The following UIMC1 variants were observed in gnomAD, a reference collection of about 807,000 sequenced individuals.
UIMC1 encodes the protein ubiquitin interaction motif containing 1, also known as BRCA1-A complex subunit RAP80.
UIMC1 carries 42 observed loss-of-function variants against 84.9 expected under a neutral mutation model. That is an observed-to-expected ratio of 0.49 (90% CI 0.39 to 0.64). UIMC1 has a LOEUF of 0.64. UIMC1 is among the 30% of genes least tolerant of loss of function. The pLI is 0.00. For missense variants in UIMC1, 825 were observed against 847.6 expected, an observed-to-expected ratio of 0.97 and a Z score of 0.33; for synonymous variants, 281 against 293.0, an observed-to-expected ratio of 0.96 and a Z score of 0.42.
intron 1 of UIMC1, among the ~76,000 whole-genome samples, chr5:177,019,078 C>G (rs1775734661): frequency 6.6e-6 from 1 of 152,112 alleles, no homozygotes; most frequent in South Asian, 2.1e-4. Flanking sequence ...GACCCCGTCT[C>G]TAAAAGTAAA....
At chr5:177,016,397 A>G (rs148296943) in intron 1 of UIMC1, among the ~76,000 whole-genome samples, 1 of 152,018 alleles carries the variant, frequency 6.6e-6, no homozygotes, top group African/African-American at 2.4e-5. Flanking sequence ...ACAAAATACT[A>G]TAAAATTATC....
intron 9 of UIMC1, among the ~76,000 whole-genome samples, chr5:176,945,105 T>G (rs1764914393): frequency 6.6e-6 from 1 of 152,218 alleles, no homozygotes; most frequent in African/African-American, 2.4e-5. Flanking sequence ...ATAAAAAGCC[T>G]CTTCCCATTC....
intron 9 of UIMC1, among the ~76,000 whole-genome samples, chr5:176,949,019 A>G (rs1041403296): frequency 4.6e-5 from 7 of 151,964 alleles, no homozygotes; most frequent in South Asian, 2.1e-4. Flanking sequence ...TTTTCCTACT[A>G]TATTTATTTA....
chr5:176,947,537 G>A (rs750686761), intron 9 of UIMC1, among the ~76,000 whole-genome samples: 6 of 151,852 alleles, frequency 4.0e-5, no homozygotes, highest in East Asian at 1.9e-4. Context: ...ACTATTTTTC[G>A]GCCAGGCACG....
rs1189914108 is a variant in UIMC1, at chr5:176,996,022, A to T, written c.-9+10628T>A. On this transcript the variant is annotated intron_variant, in intron 1 of 14. Transcript: ENST00000511320. ...ATCATAGCAGCCTTAGTCATAAGGG[A>T]CAAAAACTGGAAATAACCCACATAT... Among the ~76,000 whole-genome samples the T allele has an allele frequency of 2.6e-5, 4 of 152,244 alleles. No homozygotes were observed. In the East Asian group the frequency reaches 7.7e-4, roughly 29 times the overall value.
At position 176,933,527 on chromosome 5, in the gene UIMC1, A is replaced by AT. The variant is rs11333768; in HGVS notation, c.1597+9807dup. Among the ~76,000 whole-genome samples, 1,436 of 147,822 alleles carry AT rather than the reference A, an allele frequency of 9.7e-3. 7 individuals are homozygous for AT. Among genetic ancestry groups the AT allele is most frequent in the South Asian group, 0.025 (116 of 4,672 alleles). Reference sequence around the variant, plus strand: ...ATTACAAGGCTCATTGCTAGTTTAGATTTTTTTTTTTTTCTTTTTTTGAGA... The same window carrying AT: ...ATTACAAGGCTCATTGCTAGTTTAGATTTTTTTTTTTTTTCTTTTTTTGAGA... On this transcript the variant is annotated intron_variant, in intron 10 of 14. Coordinates refer to ENST00000511320, the MANE Select transcript of UIMC1 (RefSeq NM_001199298.2).
At chr5:176,908,781 T>G (rs1362827310) in intron 11 of UIMC1, 87 bp from the exon 12 acceptor site, 1 of 1,436,600 alleles carries the variant, frequency 7.0e-7, no homozygotes, top group East Asian at 2.3e-5. Flanking sequence ...ATTGTGTTTT[T>G]ACGTCGCAAA....
intron 8 of UIMC1, among the ~76,000 whole-genome samples, chr5:176,952,042 C>A (rs1028439394): frequency 2.0e-5 from 3 of 152,170 alleles, no homozygotes; most frequent in Admixed American, 2.0e-4. Flanking sequence ...TATAATGTGT[C>A]TGAGATGGAC....
chr5:177,016,380 C>A (rs1775669459), intron 1 of UIMC1, among the ~76,000 whole-genome samples: 1 of 151,294 alleles, frequency 6.6e-6, no homozygotes, highest in Non-Finnish European at 1.5e-5. Context: ...AAAACAAAAC[C>A]AAACAAACAA....
At chr5:176,960,214 G>A (rs571098577) in intron 6 of UIMC1, among the ~76,000 whole-genome samples, 24 of 152,246 alleles carry the variant, frequency 1.6e-4, no homozygotes, top group East Asian at 1.5e-3. Flanking sequence ...GGTCAAAATC[G>A]TAGCGCTGAG....
At chr5:176,951,707 C>G in intron 8 of UIMC1, 130 bp from the exon 9 acceptor site, 1 of 589,592 alleles carries the variant, frequency 1.7e-6, no homozygotes, top group East Asian at 3.1e-5. Flanking sequence ...ATTAATAGAT[C>G]TAGTTTGTTT....
chr5:176,945,427 T>C (rs991850706), intron 9 of UIMC1, among the ~76,000 whole-genome samples: 1 of 152,202 alleles, frequency 6.6e-6, no homozygotes, highest in Non-Finnish European at 1.5e-5. Flanking sequence ...AAAGATGAAA[T>C]GCTCCTGATT....
intron 2 of UIMC1, 39 bp from the exon 3 acceptor site, chr5:176,975,519 C>T (rs774406781): frequency 3.1e-6 from 5 of 1,606,008 alleles, no homozygotes; most frequent in African/African-American, 1.3e-5. Context: ...GTGGCTGCCA[C>T]TAAAAGTAGT....
chr5:177,016,047 A>G (rs1168744737), intron 1 of UIMC1, among the ~76,000 whole-genome samples: 1 of 152,018 alleles, frequency 6.6e-6, no homozygotes, highest in Admixed American at 6.6e-5. Flanking sequence ...AGTCTGGGCA[A>G]CAGAAGAAGA....
At chr5:177,010,085 G>A (rs2149553300), upstream of UIMC1, among the ~76,000 whole-genome samples, 1 of 152,096 alleles carries the variant, frequency 6.6e-6, no homozygotes, top group South Asian at 2.1e-4. Context: ...ATGTGGTGGT[G>A]TGTGTCTGTA....
At chr5:176,954,895 T>C (rs1055913474) in intron 8 of UIMC1, among the ~76,000 whole-genome samples, 8 of 152,116 alleles carry the variant, frequency 5.3e-5, no homozygotes, top group Admixed American at 2.6e-4. Context: ...TGGAAAAACA[T>C]TGAAGGAAAC....
Position 176,951,531 on chromosome 5 carries a change from G to A in UIMC1, c.1386C>T (p.Val462=). 6.3e-7 allele frequency: 1 copy of A among 1,589,272 alleles called. No homozygotes were observed. Among genetic ancestry groups the A allele is most frequent in the East Asian group, 2.3e-5 (1 of 43,498 alleles). The change falls in exon 9 of 15, where the codon GTC becomes GTT. Residue 462 remains valine, a synonymous_variant. Transcript: ENST00000511320. ...SSETFDLERE[V]SPGSRDILDG... ...CCAAGATATCTCTGCTACCTGGAGA[G>A]ACTTCTCTTTCAAGGTCAAAAGTTT...
chr5:176,986,751 T>A (rs1226525394), intron 1 of UIMC1, among the ~76,000 whole-genome samples: 1 of 151,990 alleles, frequency 6.6e-6, no homozygotes, highest in African/African-American at 2.4e-5. Context: ...CAACAGGGCA[T>A]GGTTCTATCT....
At chr5:176,956,746 T>A (rs1766653493) in intron 7 of UIMC1, among the ~76,000 whole-genome samples, 1 of 151,710 alleles carries the variant, frequency 6.6e-6, no homozygotes, top group African/African-American at 2.4e-5. Flanking sequence ...TTTGATCAAG[T>A]ATGCAAGAGG....
Sources: allele counts gnomAD v4.1 joint callset (sites outside exome capture counted in the v4.1 genomes callset), GRCh38; gene constraint gnomAD v4.1.1; transcripts MANE v1.5; gene names NCBI Gene and HGNC (gene_info 2026-07-23, HGNC 2026-07-21).